The following CMSS1 variants were observed in gnomAD, a reference collection of about 807,000 sequenced individuals.
The protein encoded by CMSS1 is cms1 ribosomal small subunit homolog, also known as protein CMSS1.
CMSS1 carries 33 observed loss-of-function variants against 43.5 expected under a neutral mutation model. The ratio of observed to expected loss-of-function variants is 0.76; its 90% CI spans 0.57 to 1.01. The LOEUF (loss-of-function observed/expected upper bound fraction) is 1.01. CMSS1 is among the 50% of genes least tolerant of loss of function. CMSS1 has a pLI of 0.00. For synonymous variants in CMSS1, 115 were observed against 117.2 expected (o/e 0.98, Z 0.12); for missense variants, 313 against 326.4 (o/e 0.96, Z 0.32).
At chr3:99,894,369 AGGTC>A (rs1706184004) in intron 1 of CMSS1, among the ~76,000 whole-genome samples, 1 of 152,214 alleles carries the variant, frequency 6.6e-6, no homozygotes, top group South Asian at 2.1e-4. Context: ...GTCTGGTGCC[AGGTC>A]TGGCCAGAGG....
chr3:99,904,802 C>A (rs961763691), intron 1 of CMSS1, among the ~76,000 whole-genome samples: 2 of 152,152 alleles, frequency 1.3e-5, no homozygotes, highest in African/African-American at 4.8e-5. Flanking sequence ...TCTCAGTTGG[C>A]TTTTCCCCCT....
At position 99,983,464 on chromosome 3, in the gene CMSS1, GTATATATATATA is replaced by G. The variant is rs1191587665; in HGVS notation, c.65-163475_65-163464del. On this transcript the variant is annotated intron_variant, in intron 1 of 9. Coordinates refer to ENST00000421999, the MANE Select transcript of CMSS1 (RefSeq NM_032359.4). ...TATGTATGTATATATATATATGTGT[GTATATATATATA>G]TATATATATATATATATATATATAT... 5.4e-3 allele frequency among the ~76,000 whole-genome samples: 69 copies of G among 12,684 alleles called. 2 individuals are homozygous for G. The highest frequency in any genetic ancestry group is 0.028 in the South Asian group (12 of 424). 8.3% of individuals were successfully genotyped at this position (12,684 alleles called of 152,430 possible).
In CMSS1 at chr3:100,179,741, T is replaced by C. The variant is rs1020703265; in HGVS notation, c.*1353T>C. The C allele has an allele frequency of 7.2e-5, 11 of 152,290 alleles. No individual in the cohort carries two copies. Among genetic ancestry groups the C allele is most frequent in the African/African-American group, 2.7e-4 (11 of 41,412 alleles). The allele number at this position is 152,290 out of a possible 1,614,324, so 9.4% of individuals were successfully genotyped here. On this transcript the variant is annotated 3_prime_UTR_variant, in exon 10 of 10. Coordinates refer to ENST00000421999, the MANE Select transcript of CMSS1 (RefSeq NM_032359.4). ...TGTCAGTGGATCTACCATTCTGGGG[T>C]CTGGAGGATGATGGCTCTCTTCTCA...
intron 1 of CMSS1, among the ~76,000 whole-genome samples, chr3:99,829,846 G>A (rs951416430): frequency 2.6e-5 from 4 of 152,118 alleles, no homozygotes; most frequent in Non-Finnish European, 4.4e-5. Context: ...GGATATATTC[G>A]GCTGTTATTC....
chr3:100,140,028 G>A (rs1004249428), intron 1 of CMSS1, among the ~76,000 whole-genome samples: 3 of 152,078 alleles, frequency 2.0e-5, no homozygotes, highest in Admixed American at 1.3e-4. Context: ...ACAACTGTAT[G>A]CATTAATCAA....
chr3:99,827,493 A>G (rs1167135872), intron 1 of CMSS1, among the ~76,000 whole-genome samples: 1 of 151,554 alleles, frequency 6.6e-6, no homozygotes, highest in Non-Finnish European at 1.5e-5. Flanking sequence ...CACCCGGCAA[A>G]TGTAACTTTA....
At chr3:100,169,815 C>T (rs2067095114) in intron 6 of CMSS1, among the ~76,000 whole-genome samples, 1 of 152,234 alleles carries the variant, frequency 6.6e-6, no homozygotes, top group South Asian at 2.1e-4. Flanking sequence ...CCTCATTTCA[C>T]ATTCAGATGC....
chr3:99,893,905 C>A (rs2107617756), intron 1 of CMSS1, among the ~76,000 whole-genome samples: 1 of 152,308 alleles, frequency 6.6e-6, no homozygotes, highest in Non-Finnish European at 1.5e-5. Flanking sequence ...GCCAAATCCA[C>A]AAATATTTCT....
At chr3:99,985,751 G>A (rs1250826794) in intron 1 of CMSS1, among the ~76,000 whole-genome samples, 3 of 152,068 alleles carry the variant, frequency 2.0e-5, no homozygotes, top group Non-Finnish European at 2.9e-5. Flanking sequence ...ACCATGCCCA[G>A]CTGGTTTTTG....
intron 1 of CMSS1, among the ~76,000 whole-genome samples, chr3:99,964,968 A>G (rs1708605614): frequency 6.6e-6 from 1 of 152,228 alleles, no homozygotes; most frequent in Admixed American, 6.5e-5. Context: ...ACCAAAAAGA[A>G]ACATGATCCT....
intron 1 of CMSS1, among the ~76,000 whole-genome samples, chr3:99,859,691 A>G (rs548026568): frequency 3.3e-5 from 5 of 152,322 alleles, no homozygotes; most frequent in East Asian, 1.9e-4. Flanking sequence ...AGCTGTGTTC[A>G]TGGTTAAATA....
At chr3:99,873,972 A>C (rs1705374987) in intron 1 of CMSS1, among the ~76,000 whole-genome samples, 1 of 152,224 alleles carries the variant, frequency 6.6e-6, no homozygotes, top group Admixed American at 6.5e-5. Flanking sequence ...CCCATCATAC[A>C]GATTGTCCCA....
intron 1 of CMSS1, among the ~76,000 whole-genome samples, chr3:99,983,487 T>TAC (rs1709228021): frequency 4.1e-5 from 1 of 24,544 alleles, no homozygotes; most frequent in Non-Finnish European, 8.8e-5. Context: ...TATATATATA[T>TAC]ATATATATAT....
chr3:100,017,375 T>C (rs1043845414), intron 1 of CMSS1, among the ~76,000 whole-genome samples: 2 of 152,210 alleles, frequency 1.3e-5, no homozygotes, highest in African/African-American at 4.8e-5. Context: ...TAATCACTCC[T>C]CTACCACAGT....
chr3:100,011,898 CTT>C (rs1710167162), intron 1 of CMSS1: 2 of 152,120 alleles, frequency 1.3e-5, no homozygotes, highest in African/African-American at 2.4e-5. Context: ...ATATTAAAAA[CTT>C]TTAAAAATAG....
intron 1 of CMSS1, among the ~76,000 whole-genome samples, chr3:99,904,200 A>G (rs150912168): frequency 5.8e-4 from 89 of 152,360 alleles, no homozygotes; most frequent in Admixed American, 1.8e-3. Flanking sequence ...TTTCATTACA[A>G]TAAACAAAGG....
chr3:100,021,997 T>C (rs1356067528), intron 1 of CMSS1, among the ~76,000 whole-genome samples: 2 of 133,564 alleles, frequency 1.5e-5, no homozygotes, highest in Non-Finnish European at 3.3e-5. Context: ...GAGAGAGATA[T>C]GAGGGGGGCA....
chr3:99,902,403 T>G (rs1440007030), intron 1 of CMSS1, among the ~76,000 whole-genome samples: 2 of 152,186 alleles, frequency 1.3e-5, no homozygotes, highest in Non-Finnish European at 2.9e-5. Context: ...CAAGAAGCAG[T>G]TTCTCAGATG....
chr3:100,163,601 A>G (rs1160190407), intron 4 of CMSS1, among the ~76,000 whole-genome samples: 1 of 152,176 alleles, frequency 6.6e-6, no homozygotes, highest in Non-Finnish European at 1.5e-5. Context: ...CAGTGGCACC[A>G]TCGTAGTTCA....
Sources: allele counts gnomAD v4.1 joint callset (sites outside exome capture counted in the v4.1 genomes callset), GRCh38; gene constraint gnomAD v4.1.1; transcripts MANE v1.5; gene names NCBI Gene and HGNC (gene_info 2026-07-23, HGNC 2026-07-21).